Variants in MED1 observed in about 807,000 individuals in gnomAD.
MED1 encodes the protein mediator of RNA polymerase II transcription subunit 1.
A neutral mutation model predicts 121.3 loss-of-function variants in MED1; 17 were observed. The ratio of observed to expected loss-of-function variants is 0.14; its 90% CI spans 0.10 to 0.21. MED1 has a LOEUF of 0.21. MED1 is among the 10% of genes least tolerant of loss of function. The pLI is 1.00. For missense variants in MED1, 1,558 were observed against 1,919.4 expected, an observed-to-expected ratio of 0.81 and a Z score of 3.52; for synonymous variants, 661 against 694.4, an observed-to-expected ratio of 0.95 and a Z score of 0.76.
chr17:39,438,218 CT>C (rs1345212164), intron 6 of MED1, among the ~76,000 whole-genome samples: 1 of 151,166 alleles, frequency 6.6e-6, no homozygotes, highest in Non-Finnish European at 1.5e-5. Flanking sequence ...GTCACCCAGG[CT>C]GGAGTGCAGT....
chr17:39,438,455 G>A (rs1259865306), intron 6 of MED1, among the ~76,000 whole-genome samples: 1 of 149,848 alleles, frequency 6.7e-6, no homozygotes, highest in Non-Finnish European at 1.5e-5. Flanking sequence ...CCATTCTCCT[G>A]CCTCAGCCTC....
intron 16 of MED1, among the ~76,000 whole-genome samples, chr17:39,414,634 C>CTTTCTTTTTT: frequency 1.6e-5 from 1 of 61,558 alleles, no homozygotes; most frequent in East Asian, 6.0e-4. Context: ...CAGGCCCGGC[C>CTTTCTTTTTT]TTTTTTTTTT....
At chr17:39,449,122 AC>A (rs922875121) in intron 1 of MED1, among the ~76,000 whole-genome samples, 4 of 151,590 alleles carry the variant, frequency 2.6e-5, no homozygotes, top group African/African-American at 9.7e-5. Context: ...TGCAGCCTCA[AC>A]CTCCCATGCT....
chr17:39,446,467 AAC>A (rs1491008734), intron 2 of MED1, among the ~76,000 whole-genome samples: 5 of 148,112 alleles, frequency 3.4e-5, no homozygotes, highest in Non-Finnish European at 7.4e-5. Flanking sequence ...AAAAAAAAAA[AAC>A]GATTTCTACA....
chr17:39,435,512 T>C (rs1431854172), intron 6 of MED1, among the ~76,000 whole-genome samples: 1 of 152,054 alleles, frequency 6.6e-6, no homozygotes, highest in African/African-American at 2.4e-5. Context: ...TCTGGAAAGC[T>C]AAACTGCCAT....
At chr17:39,435,933 A>AT (rs1299543185) in intron 6 of MED1, among the ~76,000 whole-genome samples, 1 of 152,128 alleles carries the variant, frequency 6.6e-6, no homozygotes, top group African/African-American at 2.4e-5. Context: ...TTAGCCGGGC[A>AT]TAATGGCAGG....
chr17:39,432,005 G>A lies in MED1; in HGVS notation c.512C>T (p.Thr171Ile), dbSNP rs1395758282. 1 of 1,606,668 alleles carries A rather than the reference G, an allele frequency of 6.2e-7. No individual in the cohort carries two copies. Among genetic ancestry groups the A allele is most frequent in the Non-Finnish European group, 8.5e-7 (1 of 1,173,378 alleles). ...GGATTGGAGAGCCAAGTACATTTTA[G>A]TCTTCAGTTTGCTGGAGAGTAGATG... ...YNLPGDNKLK[T>I]KMYLALQSLE... Residue 171 changes from threonine to isoleucine, a missense_variant, in exon 8 of 17, where the codon ACT becomes ATT. Around this residue, in one of 5 missense-constraint regions of MED1, gnomAD observed 443 missense variants for 532.4 expected, o/e 0.83. Coordinates refer to ENST00000300651, the MANE Select transcript of MED1 (RefSeq NM_004774.4).
chr17:39,426,466 C>T lies in MED1; in HGVS notation c.739+1235G>A, dbSNP rs145361609. Among the ~76,000 whole-genome samples, 253 of 152,100 alleles carry T rather than the reference C, an allele frequency of 1.7e-3. 2 individuals are homozygous for T. Among genetic ancestry groups the T allele is most frequent in the Non-Finnish European group, 2.5e-3 (167 of 67,982 alleles). On this transcript the variant is annotated intron_variant, in intron 10 of 16. Coordinates refer to ENST00000300651, the MANE Select transcript of MED1 (RefSeq NM_004774.4). ...CATCTTAAATAAATAAATAAACAAA[C>T]AAACAAACAAACAATAAAGGGATGG... is the stretch of plus-strand genomic sequence containing the variant.
chr17:39,433,527 C>CTATATATATATATATATA (rs149231162), intron 7 of MED1, among the ~76,000 whole-genome samples: 14 of 144,372 alleles, frequency 9.7e-5, no homozygotes, highest in African/African-American at 2.8e-4. Context: ...TTTTTTGTTA[C>CTATATATATATATATATA]TATATATATA....
rs76833256 is a variant in MED1, at chr17:39,407,551, G to A, written c.4670C>T (p.Pro1557Leu). Residue 1557 changes from proline (P) to leucine (L), a missense_variant, in exon 17 of 17, where the codon CCC becomes CTC. Transcript: ENST00000300651. ...TSNTILSADR[P>L]SRLSPDFMIG... is the part of the protein sequence containing the mutation. ...CATAAAGTCTGGGCTGAGCCTTGAG[G>A]GTCTGTCTGCAGATAAGATTGTGTT... 1.9e-6 allele frequency: 3 copies of A among 1,614,066 alleles called. No individual in the cohort carries two copies. Among genetic ancestry groups the A allele is most frequent in the East Asian group, 4.5e-5 (2 of 44,878 alleles).
intron 11 of MED1, 140 bp downstream of exon 11, chr17:39,424,487 C>A: frequency 1.7e-6 from 1 of 604,254 alleles, no homozygotes; most frequent in Non-Finnish European, 2.9e-6. Flanking sequence ...AGATATCAAA[C>A]AAAAGAGAAA....
chr17:39,446,216 C>T (rs1042846812), intron 2 of MED1, among the ~76,000 whole-genome samples: 3 of 148,986 alleles, frequency 2.0e-5, no homozygotes, highest in African/African-American at 5.0e-5. Context: ...TTTGAGAGGC[C>T]GAGACGGGTG....
chr17:39,446,462 A>C lies in MED1; in HGVS notation c.132+1336T>G, dbSNP rs1187009306. Among the ~76,000 whole-genome samples the C allele has an allele frequency of 2.0e-5, 3 of 149,680 alleles. No individual in the cohort carries two copies. The East Asian group carries it at 5.9e-4, about 29-fold the overall frequency. ...GACACTCCATCTCAAAAAAAAAAAA[A>C]AAAAAACGATTTCTACAAAAAATAT... is the stretch of plus-strand genomic sequence containing the variant. On this transcript the variant is annotated intron_variant, in intron 2 of 16. Transcript: ENST00000300651.
rs2048331773 is a variant in MED1, at chr17:39,409,171, G to A, written c.3050C>T (p.Thr1017Ile). 1 of 1,614,054 alleles carries A rather than the reference G, an allele frequency of 6.2e-7. No homozygotes were observed. Among genetic ancestry groups the A allele is most frequent in the African/African-American group, 1.3e-5 (1 of 74,912 alleles). The stretch of plus-strand genomic sequence containing the variant: ...ACTATGAGATGGAGACTTTCCCTCA[G>A]TGTCTGCCTTCTTCCGCTTTGGAGG... Reference protein sequence around the residue: ...DKPPKRKKADTEGKSPSHSSS... With the variant: ...DKPPKRKKADIEGKSPSHSSS... The change falls in exon 17 of 17, where the codon ACT becomes ATT. Residue 1017 changes from threonine (T) to isoleucine (I), a missense_variant. Around this residue, in one of 5 missense-constraint regions of MED1, gnomAD observed 793 missense variants for 898.2 expected, o/e 0.88. Transcript: ENST00000300651.
chr17:39,423,532 C>A, intron 12 of MED1, 87 bp from the exon 13 acceptor site: 2 of 1,418,062 alleles, frequency 1.4e-6, no homozygotes, highest in Non-Finnish European at 2.0e-6. Flanking sequence ...ATTCATTCAC[C>A]CAAAAGAGTA....
At chr17:39,448,861 A>G (rs2048754814) in intron 1 of MED1, among the ~76,000 whole-genome samples, 1 of 152,140 alleles carries the variant, frequency 6.6e-6, no homozygotes, top group Non-Finnish European at 1.5e-5. Context: ...GTGAGCCCAG[A>G]TTGCGCCACT....
chr17:39,433,209 A>T (rs1255083815), intron 7 of MED1, among the ~76,000 whole-genome samples: 2 of 151,756 alleles, frequency 1.3e-5, no homozygotes, highest in Non-Finnish European at 2.9e-5. Context: ...TCTCAAAAAA[A>T]ATTATAATAA....
intron 1 of MED1, 22 bp from the exon 2 acceptor site, chr17:39,447,926 G>T: frequency 1.3e-6 from 2 of 1,505,968 alleles, no homozygotes; most frequent in Non-Finnish European, 1.8e-6. Context: ...ATCAGAAAAC[G>T]TTATCAGTAA....
Position 39,427,717 on chromosome 17 carries a change from A to G in MED1, c.723T>C (p.Ile241=). ...AAGTCTTACCATTATTCTCATGCAA[A>G]ATGATGGGAGATGCAGTCTTGTCAT... ...LLDDKTASPI[I]LHENNVSRSL... The change falls in exon 10 of 17, where the codon ATT becomes ATC. Residue 241 remains isoleucine, a synonymous_variant. Coordinates refer to ENST00000300651, the MANE Select transcript of MED1 (RefSeq NM_004774.4). 1 of 1,599,548 alleles carries G rather than the reference A, an allele frequency of 6.3e-7. No homozygotes were observed. Among genetic ancestry groups the G allele is most frequent in the Non-Finnish European group, 8.6e-7 (1 of 1,167,174 alleles).
Sources: gnomAD v4.1 joint callset for allele counts (sites outside exome capture counted in the v4.1 genomes callset) on GRCh38, gnomAD v4.1.1 for gene constraint, gnomAD v4.1.1 regional missense constraint, MANE v1.5 for transcripts, NCBI Gene and HGNC (gene_info 2026-07-23, HGNC 2026-07-21) for gene names.